Variants in PEX5L observed in about 807,000 individuals in gnomAD.
PEX5L encodes peroxisomal biogenesis factor 5 like, also known as PEX5-related protein.
A neutral mutation model predicts 84.0 loss-of-function variants in PEX5L; 30 were observed. The observed-to-expected ratio is 0.36, with a 90% CI of 0.27 to 0.48. The LOEUF (loss-of-function observed/expected upper bound fraction) is 0.48. Ranked by LOEUF, PEX5L falls within the 20% of genes least tolerant of loss-of-function variation. PEX5L has a pLI of 0.99. For missense variants in PEX5L, 533 were observed against 754.6 expected (o/e 0.71, Z 3.44); for synonymous variants, 270 against 283.1 (o/e 0.95, Z 0.46).
intron 1 of PEX5L, among the ~76,000 whole-genome samples, chr3:180,021,597 A>G (rs1790434173): frequency 6.6e-6 from 1 of 152,244 alleles, no homozygotes. Flanking sequence ...GATGACTCCC[A>G]GGTTTCTGAC....
At chr3:179,956,758 C>A (rs753456912) in intron 2 of PEX5L, among the ~76,000 whole-genome samples, 1 of 152,068 alleles carries the variant, frequency 6.6e-6, no homozygotes, top group Non-Finnish European at 1.5e-5. Flanking sequence ...TTTTACGGAG[C>A]GACGCAACAT....
At position 179,798,325 on chromosome 3, in the gene PEX5L, T is replaced by C. The variant is rs1212631278; in HGVS notation, c.*3503A>G. Reference sequence around the variant, plus strand: ...TTAAAATTTCCTGGTGGACGAGATCTACCCATTTTTCAGGAGTCATGGGGA... The same window carrying C: ...TTAAAATTTCCTGGTGGACGAGATCCACCCATTTTTCAGGAGTCATGGGGA... On this transcript the variant is annotated 3_prime_UTR_variant, in exon 15 of 15. Coordinates refer to ENST00000467460, the MANE Select transcript of PEX5L (RefSeq NM_016559.3). 2 of 152,148 alleles carry C rather than the reference T, an allele frequency of 1.3e-5. No homozygotes were observed. The highest frequency in any genetic ancestry group is 4.8e-5 in the African/African-American group (2 of 41,428). 9.4% of individuals were successfully genotyped at this position (152,148 alleles called of 1,614,324 possible).
chr3:179,958,649 T>C lies in PEX5L; in HGVS notation c.93+12945A>G, dbSNP rs113449314. On this transcript the variant is annotated intron_variant, in intron 2 of 14. Coordinates refer to ENST00000467460, the MANE Select transcript of PEX5L (RefSeq NM_016559.3). ...GCTTTCTTTTTGTTACAATTTGTTT[T>C]ACAGGACTGATTACTGAGTAGGTTC... 2.0e-4 allele frequency among the ~76,000 whole-genome samples: 31 copies of C among 152,332 alleles called. 1 individual carries two copies. The highest frequency in any genetic ancestry group is 7.2e-4 in the Admixed American group (11 of 15,302).
intron 4 of PEX5L, among the ~76,000 whole-genome samples, chr3:179,884,909 T>G (rs1295748919): frequency 6.6e-6 from 1 of 152,162 alleles, no homozygotes; most frequent in Non-Finnish European, 1.5e-5. Context: ...TACGTTCTTT[T>G]AGGGTTCATA....
At chr3:179,994,577 AG>A in intron 1 of PEX5L, among the ~76,000 whole-genome samples, 1 of 152,288 alleles carries the variant, frequency 6.6e-6, no homozygotes, top group African/African-American at 2.4e-5. Flanking sequence ...AAGTGAAGGG[AG>A]TCATCATCCA....
intron 1 of PEX5L, 123 bp from the exon 2 acceptor site, chr3:179,971,788 A>C (rs1784816988): frequency 1.0e-6 from 1 of 958,486 alleles, no homozygotes; most frequent in African/African-American, 1.7e-5. Context: ...ATCATTCTTT[A>C]TATAAATTGC....
At chr3:179,825,849 G>T (rs1730294535) in intron 8 of PEX5L, among the ~76,000 whole-genome samples, 1 of 152,236 alleles carries the variant, frequency 6.6e-6, no homozygotes, top group African/African-American at 2.4e-5. Context: ...TAAGAGCTAA[G>T]GAATCAGCAG....
intron 2 of PEX5L, among the ~76,000 whole-genome samples, chr3:179,947,799 T>C (rs9820001): frequency 0.24 from 36,740 of 150,752 alleles, 5,872 homozygotes; most frequent in African/African-American, 0.45. Context: ...CTCTGCCTCC[T>C]GGGTTCATGC....
chr3:179,825,714 C>T (rs1408979623), intron 8 of PEX5L, among the ~76,000 whole-genome samples: 1 of 152,166 alleles, frequency 6.6e-6, no homozygotes, highest in African/African-American at 2.4e-5. Flanking sequence ...CTCCTTGTCA[C>T]GTGACCTTAT....
intron 2 of PEX5L, among the ~76,000 whole-genome samples, chr3:179,921,224 C>A (rs1387976259): frequency 2.0e-5 from 3 of 151,982 alleles, no homozygotes; most frequent in African/African-American, 7.3e-5. Flanking sequence ...AAAATTTGGA[C>A]TTTCCACATT....
chr3:179,878,280 CCTGT>C (rs1489971902), intron 5 of PEX5L, among the ~76,000 whole-genome samples: 1 of 152,042 alleles, frequency 6.6e-6, no homozygotes, highest in Non-Finnish European at 1.5e-5. Context: ...TTTTTTGGAA[CCTGT>C]CTCTCTCTTT....
chr3:179,897,542 G>A (rs1759771112), intron 3 of PEX5L, among the ~76,000 whole-genome samples: 1 of 152,030 alleles, frequency 6.6e-6, no homozygotes, highest in Non-Finnish European at 1.5e-5. Flanking sequence ...GCTTATAATA[G>A]AGATGACATT....
At chr3:180,036,224 G>C (rs946087277) in intron 1 of PEX5L, among the ~76,000 whole-genome samples, 1 of 152,154 alleles carries the variant, frequency 6.6e-6, no homozygotes, top group African/African-American at 2.4e-5. Flanking sequence ...ATTATTGTTT[G>C]CCCTTCAGTT....
intron 2 of PEX5L, chr3:179,900,614 A>C: frequency 8.4e-7 from 1 of 1,192,122 alleles, no homozygotes; most frequent in Non-Finnish European, 1.2e-6. Flanking sequence ...GGTCAGCTAG[A>C]AAGGATGTAC....
Position 179,983,086 on chromosome 3 carries a change from C to T in PEX5L, c.22-11421G>A, listed in dbSNP as rs551161332. ...TTACTGTTTCTTGCTGATGCTATTA[C>T]AAAAAAGTTGTATAACTACTTTCAA... is the stretch of plus-strand genomic sequence containing the variant. On this transcript the variant is annotated intron_variant, in intron 1 of 14. Coordinates refer to ENST00000467460, the MANE Select transcript of PEX5L (RefSeq NM_016559.3). Among the ~76,000 whole-genome samples, 24 of 151,874 alleles carry T rather than the reference C, an allele frequency of 1.6e-4. No individual in the cohort carries two copies. In the South Asian group the frequency reaches 4.8e-3, roughly 30 times the overall value.
intron 8 of PEX5L, among the ~76,000 whole-genome samples, chr3:179,838,844 T>C (rs2109311435): frequency 6.6e-6 from 1 of 152,218 alleles, no homozygotes; most frequent in South Asian, 2.1e-4. Flanking sequence ...AGGAAACGCT[T>C]TATATATATA....
At chr3:179,823,296 T>C (rs1309932019) in intron 8 of PEX5L, among the ~76,000 whole-genome samples, 1 of 152,224 alleles carries the variant, frequency 6.6e-6, no homozygotes, top group Non-Finnish European at 1.5e-5. Flanking sequence ...AAGAAAATTA[T>C]GGTAAAACCT....
chr3:180,025,710 A>G (rs948019483), intron 1 of PEX5L, among the ~76,000 whole-genome samples: 2 of 152,222 alleles, frequency 1.3e-5, no homozygotes, highest in Non-Finnish European at 2.9e-5. Flanking sequence ...AGAAAACAAG[A>G]AAAGTAAGCA....
chr3:180,000,824 T>C (rs1267813406), intron 1 of PEX5L, among the ~76,000 whole-genome samples: 1 of 152,202 alleles, frequency 6.6e-6, no homozygotes, highest in Admixed American at 6.5e-5. Context: ...CGAGGATAGT[T>C]GTATTATGTT....
Sources: gnomAD v4.1 joint callset for allele counts (sites outside exome capture counted in the v4.1 genomes callset) on GRCh38, gnomAD v4.1.1 for gene constraint, MANE v1.5 for transcripts, NCBI Gene and HGNC (gene_info 2026-07-23, HGNC 2026-07-21) for gene names.